The following COL25A1 variants were observed in gnomAD, a reference collection of about 807,000 sequenced individuals.
The protein encoded by COL25A1 is collagen type XXV alpha 1 chain.
In COL25A1, 103 loss-of-function variants were observed where a neutral mutation model predicts 128.4. The ratio of observed to expected loss-of-function variants is 0.80; its 90% confidence interval spans 0.68 to 0.94. COL25A1 has a LOEUF of 0.94. COL25A1 is among the 40% of genes least tolerant of loss of function. The pLI, the probability that COL25A1 is intolerant of heterozygous loss-of-function variation, is 0.00. For missense variants in COL25A1, 745 were observed against 840.0 expected (o/e 0.89, Z 1.40); for synonymous variants, 279 against 277.2 (o/e 1.01, Z -0.06).
At chr4:108,844,595 A>G (rs762139091) in intron 29 of COL25A1, 26 bp from the exon 30 acceptor site, 3 of 1,605,320 alleles carry the variant, frequency 1.9e-6, no homozygotes, top group South Asian at 1.1e-5. Context: ...ATAAAAATGT[A>G]TTTGGTTACT....
intron 33 of COL25A1, among the ~76,000 whole-genome samples, 185 bp downstream of exon 33, chr4:108,826,950 A>T (rs1277263167): frequency 6.6e-6 from 1 of 152,184 alleles, no homozygotes; most frequent in African/African-American, 2.4e-5. Flanking sequence ...GTACATGATG[A>T]GAGGGCAAGA....
chr4:108,904,852 A>G (rs966659927), intron 13 of COL25A1, among the ~76,000 whole-genome samples: 1 of 152,070 alleles, frequency 6.6e-6, no homozygotes, highest in Non-Finnish European at 1.5e-5. Flanking sequence ...GGCCATTTCC[A>G]TTGTAAGCTG....
intron 3 of COL25A1, among the ~76,000 whole-genome samples, chr4:109,240,783 T>C (rs887536370): frequency 3.3e-5 from 5 of 152,100 alleles, no homozygotes; most frequent in Non-Finnish European, 7.4e-5. Context: ...AGTGACCTTA[T>C]AGGTCACTGA....
chr4:108,893,715 C>T lies in COL25A1; in HGVS notation c.906+2952G>A, dbSNP rs113999503. On this transcript the variant is annotated intron_variant, in intron 16 of 37. Coordinates refer to ENST00000399132, the MANE Select transcript of COL25A1 (RefSeq NM_198721.4). Reference sequence around the variant, plus strand: ...AAAGAAGGATTTTTTAAAATTTTTACATCTCAAACTTGGTAAACGATGAAT... The same window carrying T: ...AAAGAAGGATTTTTTAAAATTTTTATATCTCAAACTTGGTAAACGATGAAT... Among the ~76,000 whole-genome samples, 395 of 152,268 alleles carry T rather than the reference C, an allele frequency of 2.6e-3. 4 individuals carry two copies. The highest frequency in any genetic ancestry group is 9.1e-3 in the African/African-American group (380 of 41,572).
chr4:109,050,226 C>G (rs758216715), intron 3 of COL25A1, 47 bp from the exon 4 acceptor site: 1 of 1,470,574 alleles, frequency 6.8e-7, no homozygotes, highest in Admixed American at 1.9e-5. Flanking sequence ...ATTCTTTTTC[C>G]TGGTTCCAAA....
intron 3 of COL25A1, among the ~76,000 whole-genome samples, chr4:109,063,332 G>A (rs913359413): frequency 5.3e-5 from 8 of 151,912 alleles, no homozygotes; most frequent in Non-Finnish European, 1.0e-4. Flanking sequence ...ATAAAACCCC[G>A]TCTCTACTAA....
chr4:109,106,526 T>C (rs145680538), intron 3 of COL25A1, among the ~76,000 whole-genome samples: 1 of 152,080 alleles, frequency 6.6e-6, no homozygotes, highest in Non-Finnish European at 1.5e-5. Flanking sequence ...GGATTATTCA[T>C]GACACTGAAA....
chr4:108,920,305 G>C (rs1263829991), intron 12 of COL25A1, among the ~76,000 whole-genome samples: 1 of 152,106 alleles, frequency 6.6e-6, no homozygotes, highest in Non-Finnish European at 1.5e-5. Context: ...ATTTTGTCAT[G>C]TTTTACCAGT....
At chr4:109,217,877 C>T (rs1209443867) in intron 3 of COL25A1, among the ~76,000 whole-genome samples, 1 of 152,112 alleles carries the variant, frequency 6.6e-6, no homozygotes, top group Non-Finnish European at 1.5e-5. Flanking sequence ...ATTCTTTTCT[C>T]CTCCCTGAGT....
At chr4:108,993,819 C>T (rs1466976045) in intron 6 of COL25A1, among the ~76,000 whole-genome samples, 4 of 145,598 alleles carry the variant, frequency 2.7e-5, no homozygotes, top group African/African-American at 7.6e-5. Context: ...AAGATTGTGC[C>T]ATTGCACTCC....
intron 6 of COL25A1, among the ~76,000 whole-genome samples, chr4:108,984,958 C>A (rs977535608): frequency 6.6e-6 from 1 of 152,156 alleles, no homozygotes; most frequent in African/African-American, 2.4e-5. Context: ...CCCCTAAGCA[C>A]AACACAGGAT....
chr4:108,864,225 G>A (rs949957520), intron 20 of COL25A1, among the ~76,000 whole-genome samples: 1 of 152,108 alleles, frequency 6.6e-6, no homozygotes, highest in Non-Finnish European at 1.5e-5. Context: ...ACCTTTAAAG[G>A]GAATTGATAA....
rs146640926 is a variant in COL25A1 at position 109,200,629 on chromosome 4, T to C, written c.367+99954A>G. Among the ~76,000 whole-genome samples the C allele has an allele frequency of 2.0e-3, 311 of 152,266 alleles. 1 individual carries two copies. The highest frequency in any genetic ancestry group is 7.0e-3 in the African/African-American group (290 of 41,554). ...CCATGCCCTGCTGATTTTTTGTATT[T>C]TTAGTAGAGATGCGGTTTCGCCAGG... On this transcript the variant is annotated intron_variant, in intron 3 of 37. Coordinates refer to ENST00000399132, the MANE Select transcript of COL25A1 (RefSeq NM_198721.4).
At chr4:109,164,410 ATTTGTTTG>A (rs4036264) in intron 3 of COL25A1, among the ~76,000 whole-genome samples, 3,414 of 150,666 alleles carry the variant, frequency 0.023, 115 homozygotes, top group South Asian at 0.14. Flanking sequence ...CAAGAAATAC[ATTTGTTTG>A]TTTGTTTGTT....
chr4:108,921,618 G>C (rs1236544156), intron 11 of COL25A1, among the ~76,000 whole-genome samples: 2 of 152,140 alleles, frequency 1.3e-5, no homozygotes. Flanking sequence ...CACTAGAGTG[G>C]TTGTCAGAAG....
At chr4:108,819,929 A>G (rs11728010) in intron 35 of COL25A1, 587,426 of 1,058,206 alleles carry the variant, frequency 0.56, 165,178 homozygotes, top group South Asian at 0.61. Flanking sequence ...ATAAAAGACA[A>G]ATTTTATTTG....
At chr4:109,132,249 A>G (rs1269965141) in intron 3 of COL25A1, among the ~76,000 whole-genome samples, 2 of 152,158 alleles carry the variant, frequency 1.3e-5, no homozygotes, top group East Asian at 1.9e-4. Context: ...ACACACATGC[A>G]TACACACACA....
chr4:108,915,437 G>A (rs1744758904), intron 13 of COL25A1, among the ~76,000 whole-genome samples: 1 of 152,110 alleles, frequency 6.6e-6, no homozygotes, highest in African/African-American at 2.4e-5. Context: ...CTGAGCTTAG[G>A]CAATCCTCCT....
intron 3 of COL25A1, among the ~76,000 whole-genome samples, chr4:109,057,473 G>T (rs1761562122): frequency 8.4e-6 from 1 of 119,258 alleles, no homozygotes; most frequent in African/African-American, 3.2e-5. Context: ...GTAGAGATGG[G>T]GTTTTGTCAT....
Sources: allele counts gnomAD v4.1 joint callset (sites outside exome capture counted in the v4.1 genomes callset), GRCh38; gene constraint gnomAD v4.1.1; transcripts MANE v1.5; gene names NCBI Gene and HGNC (gene_info 2026-07-23, HGNC 2026-07-21).